The following ADARB2 variants were observed in gnomAD, a reference collection of about 807,000 sequenced individuals.
ADARB2 encodes inactive double-stranded RNA-specific editase B2.
In ADARB2, 25 loss-of-function variants were observed where a neutral mutation model predicts 62.2. That is an observed-to-expected ratio of 0.40 (90% confidence interval 0.29 to 0.56). The LOEUF is 0.56. Ranked by LOEUF, ADARB2 falls within the 20% of genes least tolerant of loss-of-function variation. ADARB2 has a pLI of 0.43. For missense variants in ADARB2, 1,071 were observed against 1,077.4 expected (o/e 0.99, Z 0.08); for synonymous variants, 572 against 500.8 (o/e 1.14, Z -1.90).
At chr10:1,662,472 G>A (rs896575694) in intron 1 of ADARB2, among the ~76,000 whole-genome samples, 2 of 152,166 alleles carry the variant, frequency 1.3e-5, no homozygotes, top group Admixed American at 6.5e-5. Context: ...GCCTTGCAAG[G>A]GTTTTTCAGA....
At chr10:1,481,678 G>A (rs11250561) in intron 1 of ADARB2, among the ~76,000 whole-genome samples, 3,018 of 152,118 alleles carry the variant, frequency 0.02, 99 homozygotes, top group African/African-American at 0.07. Flanking sequence ...CCAACATGGT[G>A]AAACCCCATC....
intron 1 of ADARB2, among the ~76,000 whole-genome samples, chr10:1,733,108 C>T (rs1363128756): frequency 1.3e-5 from 2 of 152,192 alleles, no homozygotes; most frequent in Non-Finnish European, 2.9e-5. Flanking sequence ...CAAATGCAAC[C>T]CGACCGGCCC....
intron 1 of ADARB2, among the ~76,000 whole-genome samples, chr10:1,414,611 T>G (rs942555487): frequency 2.0e-5 from 3 of 152,246 alleles, no homozygotes; most frequent in Non-Finnish European, 4.4e-5. Context: ...CCTTTCAACC[T>G]CCACATTCTC....
chr10:1,209,503 CT>C, intron 7 of ADARB2, among the ~76,000 whole-genome samples: 1 of 122,150 alleles, frequency 8.2e-6, no homozygotes, highest in African/African-American at 3.0e-5. Context: ...TCGCCCATGC[CT>C]ACACTGTCAC....
At chr10:1,219,656 T>C (rs1830664415) in intron 6 of ADARB2, among the ~76,000 whole-genome samples, 1 of 152,198 alleles carries the variant, frequency 6.6e-6, no homozygotes, top group African/African-American at 2.4e-5. Context: ...GCTTTAATGG[T>C]GATGGTGATG....
At chr10:1,685,961 G>A (rs1834592193) in intron 1 of ADARB2, among the ~76,000 whole-genome samples, 1 of 152,180 alleles carries the variant, frequency 6.6e-6, no homozygotes, top group Non-Finnish European at 1.5e-5. Flanking sequence ...TGCCTGGCTT[G>A]GACACTCCCA....
intron 1 of ADARB2, among the ~76,000 whole-genome samples, chr10:1,724,646 G>A (rs1835140655): frequency 6.6e-6 from 1 of 152,158 alleles, no homozygotes; most frequent in African/African-American, 2.4e-5. Context: ...AGCCTGGTGG[G>A]GTCCTGGAAG....
At chr10:1,694,968 C>T (rs1426331642) in intron 1 of ADARB2, among the ~76,000 whole-genome samples, 7 of 152,056 alleles carry the variant, frequency 4.6e-5, no homozygotes, top group Non-Finnish European at 8.8e-5. Flanking sequence ...ACGCCTGCAC[C>T]GGGAGGGAGA....
At chr10:1,616,615 T>G (rs1312866745) in intron 1 of ADARB2, among the ~76,000 whole-genome samples, 2 of 140,106 alleles carry the variant, frequency 1.4e-5, no homozygotes, top group Admixed American at 7.1e-5. Flanking sequence ...CTCAGAGGGT[T>G]GCATTCTGTC....
chr10:1,470,182 C>T (rs897685677), intron 1 of ADARB2, among the ~76,000 whole-genome samples: 1 of 151,936 alleles, frequency 6.6e-6, no homozygotes, highest in Admixed American at 6.6e-5. Flanking sequence ...AATGATTCCC[C>T]TAGCCACTTA....
chr10:1,538,668 G>T (rs1832365597), intron 1 of ADARB2, among the ~76,000 whole-genome samples: 2 of 152,318 alleles, frequency 1.3e-5, no homozygotes, highest in Middle Eastern at 3.4e-3. Flanking sequence ...CTGGGTGAGG[G>T]TATAGTAGGC....
At position 1,381,833 on chromosome 10, in the gene ADARB2, A is replaced by G. The variant is rs573788396; in HGVS notation, c.101-2673T>C. Among the ~76,000 whole-genome samples, 13 of 152,330 alleles carry G rather than the reference A, an allele frequency of 8.5e-5. No individual in the cohort carries two copies. The East Asian group carries it at 2.1e-3, about 25-fold the overall frequency. ...GAGCAGCATGGTGCTGCCAGGGTCCATGGGGTGAGGGGAGAAAGGAGAGAG... is the reference window on the plus strand; with the variant it reads ...GAGCAGCATGGTGCTGCCAGGGTCCGTGGGGTGAGGGGAGAAAGGAGAGAG... On this transcript the variant is annotated intron_variant, in intron 1 of 9. Coordinates refer to ENST00000381312, the MANE Select transcript of ADARB2 (RefSeq NM_018702.4).
At chr10:1,291,967 G>C (rs527996917) in intron 3 of ADARB2, 2 of 152,546 alleles carry the variant, frequency 1.3e-5, no homozygotes, top group African/African-American at 4.8e-5. Context: ...GGCTGTGTCC[G>C]TGGAGCTGCG....
At chr10:1,224,958 T>G (rs1388119678) in intron 6 of ADARB2, among the ~76,000 whole-genome samples, 1 of 152,188 alleles carries the variant, frequency 6.6e-6, no homozygotes, top group Non-Finnish European at 1.5e-5. Context: ...TGAGTTTAAT[T>G]CCTGGGTATC....
In ADARB2 at chr10:1,426,698, C is replaced by G. The variant is rs72762979; in HGVS notation, c.101-47538G>C. Among the ~76,000 whole-genome samples, 14,628 of 152,224 alleles carry G rather than the reference C, an allele frequency of 0.096. 846 individuals carry two copies. The highest frequency in any genetic ancestry group is 0.19 in the East Asian group (989 of 5,160). On this transcript the variant is annotated intron_variant, in intron 1 of 9. Transcript: ENST00000381312. The surrounding 1 kb of genome is among the most constrained non-coding windows in gnomAD (Gnocchi z 4.1). ...GGAGACCAGTGAACCTGCTTGCCACCCTGGGCAAGAGAGCCCAGGGGCTGG... is the reference window on the plus strand; with the variant it reads ...GGAGACCAGTGAACCTGCTTGCCACGCTGGGCAAGAGAGCCCAGGGGCTGG...
chr10:1,367,183 C>T (rs11250466), intron 2 of ADARB2, among the ~76,000 whole-genome samples: 41,898 of 152,168 alleles, frequency 0.28, 6,421 homozygotes, highest in Middle Eastern at 0.43. Context: ...TCACGTTGCG[C>T]GCTGCCTGCC....
intron 1 of ADARB2, chr10:1,676,147 C>T: frequency 1.5e-6 from 1 of 678,102 alleles, no homozygotes; most frequent in Non-Finnish European, 1.8e-6. Flanking sequence ...GGCAAATGTG[C>T]AATATGAAAT....
chr10:1,461,807 C>A (rs1831178122), intron 1 of ADARB2, among the ~76,000 whole-genome samples: 1 of 152,078 alleles, frequency 6.6e-6, no homozygotes, highest in Non-Finnish European at 1.5e-5. Flanking sequence ...TAAGACCATC[C>A]TGGCCAACAT....
At chr10:1,733,826 C>A (rs779520758) in intron 1 of ADARB2, among the ~76,000 whole-genome samples, 14 of 152,068 alleles carry the variant, frequency 9.2e-5, no homozygotes, top group Non-Finnish European at 1.5e-4. Flanking sequence ...GAAATGAACT[C>A]CAGGGGTATT....
Sources: allele counts gnomAD v4.1 joint callset (sites outside exome capture counted in the v4.1 genomes callset), GRCh38; gene constraint gnomAD v4.1.1; non-coding constraint Gnocchi (gnomAD v3.1); transcripts MANE v1.5; gene names NCBI Gene and HGNC (gene_info 2026-07-23, HGNC 2026-07-21).